Variants in ASPRV1 observed in about 807,000 individuals in gnomAD.
The protein encoded by ASPRV1 is aspartic peptidase retroviral like 1, also known as retroviral-like aspartic protease 1.
In ASPRV1, 7 loss-of-function variants were observed where a neutral mutation model predicts 11.0. That is an observed-to-expected ratio of 0.64 (90% CI 0.36 to 1.20). The LOEUF is 1.20. Ranked by LOEUF, ASPRV1 falls within the 50% of genes most tolerant of loss-of-function variation. ASPRV1 has a pLI of 0.02. For missense variants in ASPRV1, 299 were observed against 320.0 expected (o/e 0.93, Z 0.50); for synonymous variants, 136 against 138.4 (o/e 0.98, Z 0.12).
At chr2:70,004,134 G>C in the ASPRV1 span, among the ~76,000 whole-genome samples, 1 of 152,256 alleles carries the variant, frequency 6.6e-6, no homozygotes. Flanking sequence ...GTTGGCCAAG[G>C]CTCCAATTCT....
the ASPRV1 span, among the ~76,000 whole-genome samples, chr2:70,000,805 A>G: frequency 6.7e-6 from 1 of 149,234 alleles, no homozygotes; most frequent in Non-Finnish European, 1.5e-5. Context: ...AAAAAAAAAA[A>G]AAAAAAAAAA....
At chr2:69,998,820 G>A in the ASPRV1 span, among the ~76,000 whole-genome samples, 2 of 152,120 alleles carry the variant, frequency 1.3e-5, no homozygotes, top group Admixed American at 6.5e-5. Flanking sequence ...GGAAATGCTC[G>A]AAAGAAACCA....
At chr2:69,937,823 A>G in the ASPRV1 span, among the ~76,000 whole-genome samples, 1 of 152,186 alleles carries the variant, frequency 6.6e-6, no homozygotes, top group Admixed American at 6.5e-5. Context: ...CATATTGGCC[A>G]GGCTGGTCTC....
the ASPRV1 span, among the ~76,000 whole-genome samples, chr2:69,971,636 C>T: frequency 1.3e-5 from 2 of 152,170 alleles, no homozygotes; most frequent in Non-Finnish European, 1.5e-5. Context: ...ACAGACAGTG[C>T]GGGGTGCTAA....
chr2:70,077,539 G>C, the ASPRV1 span, among the ~76,000 whole-genome samples: 3 of 152,086 alleles, frequency 2.0e-5, no homozygotes, highest in Admixed American at 6.6e-5. Context: ...ATAAAGCAGA[G>C]ATAAATAGTA....
the ASPRV1 span, among the ~76,000 whole-genome samples, chr2:70,042,136 A>G: frequency 6.6e-6 from 1 of 152,194 alleles, no homozygotes; most frequent in Non-Finnish European, 1.5e-5. Context: ...CGTTTGAAAA[A>G]TGTTATATAT....
the ASPRV1 span, among the ~76,000 whole-genome samples, chr2:70,025,086 TA>T: frequency 6.6e-6 from 1 of 152,228 alleles, no homozygotes; most frequent in Non-Finnish European, 1.5e-5. Context: ...TAAATATATT[TA>T]AATTTGTTAT....
chr2:70,042,161 G>A, the ASPRV1 span, among the ~76,000 whole-genome samples: 2 of 152,064 alleles, frequency 1.3e-5, no homozygotes, highest in Non-Finnish European at 2.9e-5. Flanking sequence ...TTTCCCTTTT[G>A]GAGTTTTATA....
chr2:70,060,898 A>G, the ASPRV1 span, among the ~76,000 whole-genome samples: 1 of 152,244 alleles, frequency 6.6e-6, no homozygotes, highest in Non-Finnish European at 1.5e-5. Context: ...GTCAACAAGT[A>G]GTTATTGAGT....
chr2:70,045,248 G>A, the ASPRV1 span: 1 of 152,186 alleles, frequency 6.6e-6, no homozygotes, highest in African/African-American at 2.4e-5. Context: ...CAGACTTGAG[G>A]AGAAATAAAT....
chr2:69,938,104 C>T, the ASPRV1 span: 68 of 1,613,650 alleles, frequency 4.2e-5, no homozygotes, highest in Non-Finnish European at 5.2e-5. Flanking sequence ...CAGAAGAAAT[C>T]GACGTTGACG....
the ASPRV1 span, among the ~76,000 whole-genome samples, chr2:70,035,770 T>C: frequency 6.6e-6 from 1 of 151,654 alleles, no homozygotes; most frequent in South Asian, 2.1e-4. Flanking sequence ...GATTTTCTAC[T>C]CATTAAAGTA....
the ASPRV1 span, among the ~76,000 whole-genome samples, chr2:69,983,239 C>T: frequency 6.6e-6 from 1 of 152,184 alleles, no homozygotes; most frequent in Non-Finnish European, 1.5e-5. Context: ...GTATTTCTGT[C>T]TTTTTCTCAT....
the ASPRV1 span, among the ~76,000 whole-genome samples, chr2:70,018,540 G>A: frequency 6.6e-6 from 1 of 152,074 alleles, no homozygotes; most frequent in Non-Finnish European, 1.5e-5. Flanking sequence ...CAAAGCTGTA[G>A]TAACCAAAAC....
chr2:70,018,118 G>A, the ASPRV1 span: 1 of 151,842 alleles, frequency 6.6e-6, no homozygotes, highest in African/African-American at 2.4e-5. Context: ...TTGGGCTACA[G>A]AGTGAGACTC....
the ASPRV1 span, among the ~76,000 whole-genome samples, chr2:70,014,796 CA>C: frequency 0.28 from 21,064 of 74,240 alleles, 784 homozygotes; most frequent in Non-Finnish European, 0.32. Context: ...GACCTTGTCT[CA>C]AAAAAAAAAA....
At chr2:70,057,182 G>A in the ASPRV1 span, among the ~76,000 whole-genome samples, 1 of 151,908 alleles carries the variant, frequency 6.6e-6, no homozygotes, top group Non-Finnish European at 1.5e-5. Flanking sequence ...TAGGTGGATT[G>A]CTTGAGTCCA....
At chr2:70,050,536 G>A in the ASPRV1 span, 1 of 151,986 alleles carries the variant, frequency 6.6e-6, no homozygotes, top group African/African-American at 2.4e-5. Context: ...TGTAAAATTT[G>A]CACACAGAAA....
At chr2:69,937,414 C>T in the ASPRV1 span, 35 of 1,576,896 alleles carry the variant, frequency 2.2e-5, no homozygotes, top group Non-Finnish European at 2.8e-5. Flanking sequence ...TCTCACTCTC[C>T]TCCCTGTCTC....
Sources: gnomAD v4.1 joint callset for allele counts (sites outside exome capture counted in the v4.1 genomes callset) on GRCh38, gnomAD v4.1.1 for gene constraint, MANE v1.5 for transcripts, NCBI Gene and HGNC (gene_info 2026-07-23, HGNC 2026-07-21) for gene names.